KIAA1549L: variants seen among roughly 807,000 people sequenced by gnomAD.
KIAA1549L encodes the protein UPF0606 protein KIAA1549L.
A neutral mutation model predicts 160.7 loss-of-function variants in KIAA1549L; 88 were observed. The ratio of observed to expected loss-of-function variants is 0.55; its 90% confidence interval spans 0.46 to 0.65. KIAA1549L has a LOEUF of 0.65. Among genes scored for constraint, KIAA1549L ranks in the 30% least tolerant of loss-of-function variants. The pLI is 0.00. For synonymous variants in KIAA1549L, 950 were observed against 976.7 expected (o/e 0.97, Z 0.51); for missense variants, 2,258 against 2,437.5 (o/e 0.93, Z 1.55).
chr11:33,520,724 CACACACACACACACA>C (rs1853469480), intron 1 of KIAA1549L, among the ~76,000 whole-genome samples: 2 of 150,226 alleles, frequency 1.3e-5, no homozygotes, highest in Non-Finnish European at 1.5e-5. Context: ...CACACACACA[CACACACACACACACA>C]CTCCCTCTCT....
intron 16 of KIAA1549L, among the ~76,000 whole-genome samples, chr11:33,643,979 C>T (rs1226574374): frequency 6.6e-6 from 1 of 152,190 alleles, no homozygotes; most frequent in Non-Finnish European, 1.5e-5. Flanking sequence ...AGCAGAAGAG[C>T]CCCAATATGT....
intron 1 of KIAA1549L, among the ~76,000 whole-genome samples, chr11:33,519,130 G>A (rs2756285): frequency 0.43 from 64,804 of 151,918 alleles, 14,021 homozygotes; most frequent in Middle Eastern, 0.55. Context: ...ATGTAGGTTA[G>A]CATGAAAAAT....
At chr11:33,455,126 CA>C (rs1381458663) in intron 1 of KIAA1549L, among the ~76,000 whole-genome samples, 2 of 152,042 alleles carry the variant, frequency 1.3e-5, no homozygotes, top group Non-Finnish European at 2.9e-5. Flanking sequence ...CAAACAACAA[CA>C]AAAAAACCGT....
chr11:33,431,116 G>C (rs551562870), intron 1 of KIAA1549L, among the ~76,000 whole-genome samples: 3 of 151,914 alleles, frequency 2.0e-5, no homozygotes, highest in African/African-American at 7.3e-5. Context: ...GGAGTTGTTC[G>C]TTCCTCCTGG....
chr11:33,471,954 A>G (rs750941213), intron 1 of KIAA1549L, among the ~76,000 whole-genome samples: 1 of 152,182 alleles, frequency 6.6e-6, no homozygotes, highest in Non-Finnish European at 1.5e-5. Context: ...TCTCTGAGTA[A>G]AAAGGCTGGA....
At chr11:33,435,757 A>AG (rs1851339040) in intron 1 of KIAA1549L, among the ~76,000 whole-genome samples, 1 of 46,454 alleles carries the variant, frequency 2.2e-5, no homozygotes, top group Admixed American at 2.3e-4. Context: ...CAGAACCAAT[A>AG]AGATATATAT....
Position 33,615,726 on chromosome 11 carries a change from C to T in KIAA1549L, c.5280-2807C>T, listed in dbSNP as rs1462976734. ...GTTCTTGACAGGGCTTACACACTCT[C>T]GCTATTGTACTTCTAACACTTGCAA... is the stretch of plus-strand genomic sequence containing the variant. On this transcript the variant is annotated intron_variant, in intron 15 of 20. Coordinates refer to ENST00000658780, the MANE Select transcript of KIAA1549L (RefSeq NM_012194.3). Among the ~76,000 whole-genome samples the T allele has an allele frequency of 3.9e-5, 6 of 152,124 alleles. No individual in the cohort carries two copies. In the East Asian group the frequency reaches 5.8e-4, roughly 15 times the overall value.
chr11:33,581,397 TTGTG>T (rs10579855), intron 10 of KIAA1549L, among the ~76,000 whole-genome samples: 45,965 of 149,444 alleles, frequency 0.31, 7,213 homozygotes, highest in Middle Eastern at 0.46. Context: ...TTCTGACAAA[TTGTG>T]TGTGTGTGTG....
At chr11:33,621,948 T>C (rs1850969589) in intron 16 of KIAA1549L, among the ~76,000 whole-genome samples, 1 of 152,222 alleles carries the variant, frequency 6.6e-6, no homozygotes, top group Admixed American at 6.5e-5. Flanking sequence ...ATGAATGAAG[T>C]AGGGACTTTT....
Position 33,609,893 on chromosome 11 carries a change from G to A in KIAA1549L, c.5206G>A (p.Ala1736Thr), listed in dbSNP as rs924164812. 8 of 1,613,866 alleles carry A rather than the reference G, an allele frequency of 5.0e-6. No individual in the cohort carries two copies. The African/African-American group carries it at 9.3e-5, about 19-fold the overall frequency. The stretch of plus-strand genomic sequence containing the variant: ...CGAAAGAAAGAAGATGTATGAAAAA[G>A]CCCCGAAGGAAATGGAGCATGTTTT... ...LTERKKMYEK[A>T]PKEMEHVLDP... Residue 1736 changes from alanine to threonine, a missense_variant, in exon 15 of 21, where the codon GCC (alanine) becomes ACC (threonine). Physicochemically the swap from Ala to Thr is moderately conservative, Grantham distance 58. Around this residue, in one of 6 missense-constraint regions of KIAA1549L, gnomAD observed 1,359 missense variants for 1,546.6 expected, o/e 0.88. Coordinates refer to ENST00000658780, the MANE Select transcript of KIAA1549L (RefSeq NM_012194.3).
intron 1 of KIAA1549L, among the ~76,000 whole-genome samples, chr11:33,461,076 T>G (rs1851931847): frequency 1.3e-5 from 2 of 151,938 alleles, no homozygotes; most frequent in South Asian, 4.2e-4. Context: ...AATTGGGGGG[T>G]TGGTTTATAT....
intron 1 of KIAA1549L, among the ~76,000 whole-genome samples, chr11:33,530,303 G>C (rs952199646): frequency 2.0e-5 from 3 of 150,386 alleles, no homozygotes; most frequent in Non-Finnish European, 4.4e-5. Flanking sequence ...TCAGGAGGCT[G>C]AGTCAGGAGA....
At chr11:33,504,281 A>T (rs1409206287) in intron 1 of KIAA1549L, among the ~76,000 whole-genome samples, 1 of 151,988 alleles carries the variant, frequency 6.6e-6, no homozygotes, top group Non-Finnish European at 1.5e-5. Flanking sequence ...AATCTTAATC[A>T]TGTAGTTTTT....
chr11:33,402,703 C>G (rs991619319), intron 1 of KIAA1549L, among the ~76,000 whole-genome samples: 1 of 152,156 alleles, frequency 6.6e-6, no homozygotes, highest in Non-Finnish European at 1.5e-5. Context: ...ACCAGAAGCC[C>G]TGGCCCCTGG....
chr11:33,414,820 AGT>A (rs1389151940), intron 1 of KIAA1549L, among the ~76,000 whole-genome samples: 1 of 151,898 alleles, frequency 6.6e-6, no homozygotes, highest in Non-Finnish European at 1.5e-5. Flanking sequence ...GAGGAGAGAG[AGT>A]GTGTGAGTGA....
intron 10 of KIAA1549L, among the ~76,000 whole-genome samples, chr11:33,582,694 T>C (rs1351625792): frequency 6.6e-6 from 1 of 152,140 alleles, no homozygotes; most frequent in Non-Finnish European, 1.5e-5. Flanking sequence ...CCCAGCCCCC[T>C]TGCCCTGAGA....
chr11:33,481,448 C>G (rs1301177485), intron 1 of KIAA1549L, among the ~76,000 whole-genome samples: 1 of 152,124 alleles, frequency 6.6e-6, no homozygotes, highest in African/African-American at 2.4e-5. Context: ...TAAATTGTTG[C>G]CTGGTTTAAA....
At chr11:33,489,499 C>T (rs540740102) in intron 1 of KIAA1549L, among the ~76,000 whole-genome samples, 2 of 152,330 alleles carry the variant, frequency 1.3e-5, no homozygotes, top group African/African-American at 4.8e-5. Context: ...CATTCATTTC[C>T]TAACAACACA....
At chr11:33,655,192 C>T (rs1349328088) in intron 17 of KIAA1549L, among the ~76,000 whole-genome samples, 1 of 152,164 alleles carries the variant, frequency 6.6e-6, no homozygotes, top group Non-Finnish European at 1.5e-5. Context: ...TAAAAGTCTT[C>T]ACTTTTCTGG....
Sources: allele counts gnomAD v4.1 joint callset (sites outside exome capture counted in the v4.1 genomes callset), GRCh38; gene constraint gnomAD v4.1.1; regional missense constraint gnomAD v4.1.1; transcripts MANE v1.5; gene names NCBI Gene and HGNC (gene_info 2026-07-23, HGNC 2026-07-21).